Variants in LZTS3 observed in about 807,000 individuals in gnomAD.
LZTS3 encodes the protein leucine zipper tumor suppressor family member 3.
In LZTS3, 16 loss-of-function variants were observed where a neutral mutation model predicts 50.9. That is an observed-to-expected ratio of 0.31 (90% CI 0.21 to 0.48). The LOEUF (loss-of-function observed/expected upper bound fraction) is 0.48, where lower values mean the gene tolerates loss of function less well. Ranked by LOEUF, LZTS3 falls within the 20% of genes least tolerant of loss-of-function variation. The pLI is 0.99. For synonymous variants in LZTS3, 408 were observed against 410.6 expected (o/e 0.99, Z 0.08); for missense variants, 816 against 931.0 (o/e 0.88, Z 1.61).
chr20:3,167,040 T>C lies in LZTS3; in HGVS notation c.124A>G (p.Ser42Gly). 6.4e-7 allele frequency: 1 copy of C among 1,573,734 alleles called. No individual in the cohort carries two copies. Among genetic ancestry groups the C allele is most frequent in the Non-Finnish European group, 8.6e-7 (1 of 1,163,960 alleles). Residue 42 changes from serine (S) to glycine (G), a missense_variant, in exon 3 of 5, where the codon AGT becomes GGT. This residue lies in a region of LZTS3 where 700 missense variants were observed against 769.4 expected (regional missense o/e 0.91). Transcript: ENST00000337576. Reference sequence around the variant, plus strand: ...AACTCCTGGGCATGGGCCACCCCACTGCCCACGCTGCCCATGGCCAGGCGG... The same window carrying C: ...AACTCCTGGGCATGGGCCACCCCACCGCCCACGCTGCCCATGGCCAGGCGG... ...DPRLAMGSVG[S>G]GVAHAQEFAM...
In LZTS3 at chr20:3,170,491, A is replaced by AACAAAAAC. The variant is rs1555768557; in HGVS notation, c.-242-2531_-242-2530insGTTTTTGT. Among the ~76,000 whole-genome samples, 5 of 140,172 alleles carry AACAAAAAC rather than the reference A, an allele frequency of 3.6e-5. 1 individual carries two copies. Among genetic ancestry groups the AACAAAAAC allele is most frequent in the South Asian group, 2.4e-4 (1 of 4,126 alleles). The allele number at this position is 140,172 out of a possible 152,430, so 92.0% of individuals were successfully genotyped here. ...AAGACAGAGCGAGACTACATCAAAA[A>AACAAAAAC]AAAAAAAAAAAAAAACAGGTTGGCG... On this transcript the variant is annotated intron_variant, in intron 1 of 4. Coordinates refer to ENST00000337576, the MANE Select transcript of LZTS3 (RefSeq NM_001365618.1).
chr20:3,167,584 C>A, intron 2 of LZTS3, 154 bp downstream of exon 2: 2 of 1,001,204 alleles, frequency 2.0e-6, no homozygotes, highest in Non-Finnish European at 1.2e-6. Flanking sequence ...GGTCTGGGAC[C>A]CTAATATCCC....
intron 1 of LZTS3, among the ~76,000 whole-genome samples, chr20:3,171,026 A>T (rs1250082016): frequency 6.6e-6 from 1 of 152,188 alleles, no homozygotes; most frequent in African/African-American, 2.4e-5. Flanking sequence ...AGGCAAGGGG[A>T]TAGCAAGGTG....
At position 3,165,839 on chromosome 20, in the gene LZTS3, C is replaced by T. The variant is rs779015309; in HGVS notation, c.981G>A (p.Arg327=). The T allele has an allele frequency of 2.5e-6, 4 of 1,604,134 alleles. No individual in the cohort carries two copies. In the African/African-American group the frequency reaches 5.3e-5, roughly 21 times the overall value. The change falls in exon 4 of 5, where the codon CGG becomes CGA. Residue 327 remains arginine (R), a synonymous_variant. Coordinates refer to ENST00000337576, the MANE Select transcript of LZTS3 (RefSeq NM_001365618.1). The surrounding 1 kb of genome is among the most constrained non-coding windows in gnomAD (Gnocchi z 5.0). The stretch of plus-strand genomic sequence containing the variant: ...CCACCTCCTGCTCCTTCTCCCACAG[C>T]CGCTCCTCCAGCTCCTGGATGAGTG... ...PSALIQELEE[R]LWEKEQEVAA...
Position 3,164,934 on chromosome 20 carries a change from G to A in LZTS3, c.1542C>T (p.Ala514=), listed in dbSNP as rs965069230. The A allele has an allele frequency of 5.2e-6, 8 of 1,549,904 alleles. No homozygotes were observed. Among genetic ancestry groups the A allele is most frequent in the East Asian group, 2.4e-5 (1 of 42,000 alleles). The part of the protein sequence containing the change: ...SLELGEGELP[A]ACLKPALTPV... ...GGGTCAGCGCCGGCTTGAGGCAGGC[G>A]GCAGGCAGCTCGCCTTCGCCCAGCT... Residue 514 remains alanine (A), a synonymous_variant, in exon 5 of 5, where the codon GCC becomes GCT. Transcript: ENST00000337576.
intron 1 of LZTS3, among the ~76,000 whole-genome samples, chr20:3,168,886 C>A (rs78313103): frequency 0.011 from 1,677 of 152,274 alleles, 36 homozygotes; most frequent in African/African-American, 0.038. Flanking sequence ...ATGCTGAGTC[C>A]CTGGCCCAGA....
At chr20:3,169,501 C>T (rs1199308771) in intron 1 of LZTS3, among the ~76,000 whole-genome samples, 1 of 152,052 alleles carries the variant, frequency 6.6e-6, no homozygotes, top group Non-Finnish European at 1.5e-5. Flanking sequence ...CACCAGCGTG[C>T]GTGTGACACT....
rs769751263 is a variant in LZTS3, at chr20:3,167,956, T to C, written c.-237A>G. 70 of 724,220 alleles carry C rather than the reference T, an allele frequency of 9.7e-5. No homozygotes were observed. Among genetic ancestry groups the C allele is most frequent in the Non-Finnish European group, 1.1e-4 (64 of 591,530 alleles). 44.9% of individuals were successfully genotyped at this position (724,220 alleles called of 1,614,324 possible). ...ACTGAGCCATCCCGGACTGCAGTTT[T>C]CTCCTCTGCGAAATGGGAGGAATGA... On this transcript the variant is annotated 5_prime_UTR_variant, in exon 2 of 5. Transcript: ENST00000337576.
rs1236084489 is a variant in LZTS3 at position 3,162,791 on chromosome 20, C to G, written c.*1663G>C. The G allele has an allele frequency of 2.0e-5, 3 of 152,328 alleles. No homozygotes were observed. Among genetic ancestry groups the G allele is most frequent in the Non-Finnish European group, 4.4e-5 (3 of 68,012 alleles). 9.4% of individuals were successfully genotyped at this position (152,328 alleles called of 1,614,324 possible). On this transcript the variant is annotated 3_prime_UTR_variant, in exon 5 of 5. Coordinates refer to ENST00000337576, the MANE Select transcript of LZTS3 (RefSeq NM_001365618.1). This position sits in a 1 kb window ranked among gnomAD's most constrained non-coding sequence, Gnocchi z 5.0. ...TTTTTCTATTTTTTTCTTACTAATG[C>G]CTTCTCTTCTCCCTGCCCCTGTGGC... is the stretch of plus-strand genomic sequence containing the variant.
rs769528128 is a variant in LZTS3, at chr20:3,164,590, C to T, written c.1886G>A (p.Arg629His). 2.5e-6 allele frequency: 4 copies of T among 1,612,056 alleles called. No individual in the cohort carries two copies. The highest frequency in any genetic ancestry group is 1.3e-5 in the African/African-American group (1 of 74,916). The stretch of plus-strand genomic sequence containing the variant: ...CAGCCTGCGCTCCAGCTGCTGGTTG[C>T]GCTGGTACATCTCCACGTAGCTCAG... ...LQLSYVEMYQ[R>H]NQQLERRLRE... The change falls in exon 5 of 5, where the codon CGC (arginine) becomes CAC (histidine). Residue 629 changes from arginine (R) to histidine (H), a missense_variant. Arg to His is a conservative substitution (Grantham distance 29). This residue lies in a region of LZTS3 where 107 missense variants were observed against 130.4 expected (regional missense o/e 0.82). Transcript: ENST00000337576.
In LZTS3 at chr20:3,166,017, G is replaced by A. The variant is rs1474417740; in HGVS notation, c.803C>T (p.Ser268Leu). Reference protein sequence around the residue: ...SGSGGSSGGGSGYQDLGTSDS... With the variant: ...SGSGGSSGGGLGYQDLGTSDS... ...GGAGGTCCCCAGGTCCTGGTAGCCC[G>A]ACCCCCCACCGCTGCTGCCGCCACT... The change falls in exon 4 of 5, where the codon TCG becomes TTG. Residue 268 changes from serine to leucine, a missense_variant. Ser to Leu is a moderately radical substitution (Grantham distance 145). This residue lies in a region of LZTS3 where 700 missense variants were observed against 769.4 expected (regional missense o/e 0.91). Coordinates refer to ENST00000337576, the MANE Select transcript of LZTS3 (RefSeq NM_001365618.1). 6.2e-6 allele frequency: 10 copies of A among 1,612,860 alleles called. 1 individual carries two copies. The South Asian group carries it at 1.1e-4, about 18-fold the overall frequency.
At position 3,170,486 on chromosome 20, in the gene LZTS3, CAAAAAA is replaced by C. The variant is rs397955055; in HGVS notation, c.-242-2531_-242-2526del. On this transcript the variant is annotated intron_variant, in intron 1 of 4. Coordinates refer to ENST00000337576, the MANE Select transcript of LZTS3 (RefSeq NM_001365618.1). ...CCTGGAAGACAGAGCGAGACTACAT[CAAAAAA>C]AAAAAAAAAAAAAACAGGTTGGCGC... Among the ~76,000 whole-genome samples the C allele has an allele frequency of 3.6e-3, 261 of 72,566 alleles. 4 individuals are homozygous for C. The East Asian group carries it at 0.089, about 25-fold the overall frequency. 47.6% of individuals were successfully genotyped at this position (72,566 alleles called of 152,430 possible).
At chr20:3,169,431 T>C (rs1040968188) in intron 1 of LZTS3, among the ~76,000 whole-genome samples, 1 of 152,144 alleles carries the variant, frequency 6.6e-6, no homozygotes, top group Non-Finnish European at 1.5e-5. Context: ...GGGAAAGAAC[T>C]GGCAAAATTT....
At position 3,166,800 on chromosome 20, in the gene LZTS3, T is replaced by C. The variant is rs1297854152; in HGVS notation, c.364A>G (p.Ser122Gly). 6.2e-7 allele frequency: 1 copy of C among 1,613,760 alleles called. No homozygotes were observed. The highest frequency in any genetic ancestry group is 8.5e-7 in the Non-Finnish European group (1 of 1,179,998). The stretch of plus-strand genomic sequence containing the variant: ...TTGTCACTGCCACCACTGCTGCTGC[T>C]GCCTCCGCTGCTGCCAACCACGTTG... ...CGNVVGSSGG[S>G]SSSGGSDKAP... Residue 122 changes from serine (S) to glycine (G), a missense_variant, in exon 3 of 5, where the codon AGC (serine) becomes GGC (glycine). By Grantham distance (56) the Ser-to-Gly change is moderately conservative. Coordinates refer to ENST00000337576, the MANE Select transcript of LZTS3 (RefSeq NM_001365618.1).
At position 3,165,115 on chromosome 20, in the gene LZTS3, T is replaced by C. The variant is rs2066790535; in HGVS notation, c.1361A>G (p.Gln454Arg). ...QKAGEISLLK[Q>R]QLKDSQADVS... ...ATCCGCCTGCGAGTCCTTCAGCTGCTGCTTCAGGAGGGAGATCTCGCCAGC... is the reference window on the plus strand; with the variant it reads ...ATCCGCCTGCGAGTCCTTCAGCTGCCGCTTCAGGAGGGAGATCTCGCCAGC... Residue 454 changes from glutamine (Q) to arginine (R), a missense_variant, in exon 5 of 5, where the codon CAG (glutamine) becomes CGG (arginine). Around this residue, in one of 3 missense-constraint regions of LZTS3, gnomAD observed 700 missense variants for 769.4 expected, o/e 0.91. Transcript: ENST00000337576. This position sits in a 1 kb window ranked among gnomAD's most constrained non-coding sequence, Gnocchi z 5.0. 4 of 1,590,910 alleles carry C rather than the reference T, an allele frequency of 2.5e-6. No homozygotes were observed. The highest frequency in any genetic ancestry group is 3.4e-6 in the Non-Finnish European group (4 of 1,169,656).
In LZTS3 at chr20:3,166,424, C is replaced by T. The variant is rs2066822223; in HGVS notation, c.460-64G>A. 24 of 1,513,170 alleles carry T rather than the reference C, an allele frequency of 1.6e-5. No individual in the cohort carries two copies. The South Asian group carries it at 2.8e-4, about 18-fold the overall frequency. The allele number at this position is 1,513,170 out of a possible 1,614,324, so 93.7% of individuals were successfully genotyped here. On this transcript the variant is annotated intron_variant, in intron 3 of 4. Transcript: ENST00000337576. Reference sequence around the variant, plus strand: ...GGCCTTGGGCTTGGCCCAGGCTCTTCCCTCTGGCCAAGACTTGTCCAGCCC... The same window carrying T: ...GGCCTTGGGCTTGGCCCAGGCTCTTTCCTCTGGCCAAGACTTGTCCAGCCC...
At position 3,166,261 on chromosome 20, in the gene LZTS3, G is replaced by A. The variant is rs778593418; in HGVS notation, c.559C>T (p.Pro187Ser). 3.3e-5 allele frequency: 54 copies of A among 1,613,802 alleles called. No homozygotes were observed. Among genetic ancestry groups the A allele is most frequent in the Non-Finnish European group, 4.3e-5 (51 of 1,179,924 alleles). The change falls in exon 4 of 5, where the codon CCT (proline) becomes TCT (serine). Residue 187 changes from proline to serine, a missense_variant. This residue lies in a region of LZTS3 where 700 missense variants were observed against 769.4 expected (regional missense o/e 0.91). Transcript: ENST00000337576. ...NLCPPQTNGT[P>S]EGRQGPGGLK... ...CCACCAGGGCCCTGCCGTCCCTCAGGAGTCCCATTGGTCTGCGGGGGGCAC... is the reference window on the plus strand; with the variant it reads ...CCACCAGGGCCCTGCCGTCCCTCAGAAGTCCCATTGGTCTGCGGGGGGCAC...
chr20:3,162,659 G>T lies in LZTS3; in HGVS notation c.*1795C>A, dbSNP rs2066751206. 1 of 152,404 alleles carries T rather than the reference G, an allele frequency of 6.6e-6. No homozygotes were observed. Among genetic ancestry groups the T allele is most frequent in the Admixed American group, 6.5e-5 (1 of 15,272 alleles). The allele number at this position is 152,404 out of a possible 1,614,324, so 9.4% of individuals were successfully genotyped here. On this transcript the variant is annotated 3_prime_UTR_variant, in exon 5 of 5. Transcript: ENST00000337576. This position sits in a 1 kb window ranked among gnomAD's most constrained non-coding sequence, Gnocchi z 5.0. ...TTTCCGTTTTATTTCTTTGGGAAAG[G>T]AAAACAAAAAGTCTTTCCATCACAT...
At chr20:3,169,136 G>T (rs2066872222) in intron 1 of LZTS3, among the ~76,000 whole-genome samples, 1 of 152,154 alleles carries the variant, frequency 6.6e-6, no homozygotes, top group East Asian at 1.9e-4. Flanking sequence ...AGCCACGTAG[G>T]GCACAAATGA....
Sources: allele counts gnomAD v4.1 joint callset (sites outside exome capture counted in the v4.1 genomes callset), GRCh38; gene constraint gnomAD v4.1.1; regional missense constraint gnomAD v4.1.1; non-coding constraint Gnocchi (gnomAD v3.1); transcripts MANE v1.5; gene names NCBI Gene and HGNC (gene_info 2026-07-23, HGNC 2026-07-21).